The following EBF1 variants were observed in gnomAD, a reference collection of about 807,000 sequenced individuals.
EBF1 encodes the protein transcription factor COE1.
Under a neutral mutation model 68.4 loss-of-function variants are expected in EBF1, and 10 were observed. The observed-to-expected ratio is 0.15, with a 90% confidence interval of 0.09 to 0.25. The LOEUF (loss-of-function observed/expected upper bound fraction) is 0.25, where lower values mean the gene tolerates loss of function less well. EBF1 is among the 10% of genes least tolerant of loss of function. The pLI, the probability that EBF1 is intolerant of heterozygous loss-of-function variation, is 1.00. For synonymous variants in EBF1, 298 were observed against 299.8 expected, an observed-to-expected ratio of 0.99 and a Z score of 0.06; for missense variants, 509 against 794.4, an observed-to-expected ratio of 0.64 and a Z score of 4.32.
intron 6 of EBF1, among the ~76,000 whole-genome samples, chr5:159,016,175 G>A (rs1285199622): frequency 6.6e-6 from 1 of 152,206 alleles, no homozygotes; most frequent in Non-Finnish European, 1.5e-5. Context: ...GGTGATGTCT[G>A]TACAAACATT....
chr5:159,090,807 GTAATAATAATAA>G lies in EBF1; in HGVS notation c.411+4801_411+4812del, dbSNP rs138049191. Among the ~76,000 whole-genome samples the G allele has an allele frequency of 6.7e-5, 10 of 149,278 alleles. No individual in the cohort carries two copies. In the East Asian group the frequency reaches 1.6e-3, roughly 23 times the overall value. ...CAATTGGCTTTGTCAACCCAATGGG[GTAATAATAATAA>G]TAATAATAATAATAAAAGCATCTAA... On this transcript the variant is annotated intron_variant, in intron 4 of 15. Transcript: ENST00000313708.
chr5:158,740,253 G>T (rs1022628587), intron 10 of EBF1, among the ~76,000 whole-genome samples: 2 of 152,140 alleles, frequency 1.3e-5, no homozygotes, highest in African/African-American at 4.8e-5. Flanking sequence ...ACCGAGTCAG[G>T]CTCCAAGGCG....
At chr5:158,939,153 C>A (rs1812711870) in intron 6 of EBF1, among the ~76,000 whole-genome samples, 1 of 152,238 alleles carries the variant, frequency 6.6e-6, no homozygotes, top group Admixed American at 6.5e-5. Context: ...TGGTGCTACT[C>A]ATTGGCCTCA....
intron 5 of EBF1, among the ~76,000 whole-genome samples, chr5:159,082,108 A>G (rs1779834934): frequency 6.6e-6 from 1 of 152,198 alleles, no homozygotes; most frequent in Non-Finnish European, 1.5e-5. Context: ...CACCTGAGAC[A>G]CAATTCTCTG....
chr5:158,834,858 G>C (rs1328568595), intron 7 of EBF1, among the ~76,000 whole-genome samples: 1 of 152,236 alleles, frequency 6.6e-6, no homozygotes, highest in Non-Finnish European at 1.5e-5. Flanking sequence ...GTGAGATGGA[G>C]GAAAGCAGCG....
chr5:158,752,359 C>T (rs1337829539), intron 10 of EBF1, among the ~76,000 whole-genome samples: 2 of 145,940 alleles, frequency 1.4e-5, no homozygotes, highest in Non-Finnish European at 3.0e-5. Context: ...CAGCTTAGGA[C>T]TTGAATATCT....
At chr5:159,059,970 C>G (rs1471160471) in intron 6 of EBF1, among the ~76,000 whole-genome samples, 1 of 152,250 alleles carries the variant, frequency 6.6e-6, no homozygotes, top group East Asian at 1.9e-4. Context: ...ACCTTTGAAA[C>G]AGGAAGTAAA....
chr5:158,982,929 A>G (rs549728911), intron 6 of EBF1: 12 of 152,236 alleles, frequency 7.9e-5, no homozygotes, highest in African/African-American at 1.9e-4. Context: ...CTGCTCCCCT[A>G]TGAGGAACTG....
chr5:158,696,598 G>C lies in EBF1; in HGVS notation c.*2513C>G. On this transcript the variant is annotated 3_prime_UTR_variant, in exon 16 of 16. Coordinates refer to ENST00000313708, the MANE Select transcript of EBF1 (RefSeq NM_024007.5). ...TTCAGATAACCTTTCTGAGTACCGA[G>C]AAGCAATGCGTCCACCTTGCTTACA... 4.5e-6 allele frequency: 1 copy of C among 221,174 alleles called. No individual in the cohort carries two copies. Among genetic ancestry groups the C allele is most frequent in the Non-Finnish European group, 9.1e-6 (1 of 110,360 alleles). The allele number at this position is 221,174 out of a possible 1,614,324, so 13.7% of individuals were successfully genotyped here.
At position 158,713,009 on chromosome 5, in the gene EBF1, C is replaced by T; in HGVS notation, c.1330G>A (p.Ala444Thr). Residue 444 changes from alanine to threonine, a missense_variant, in exon 13 of 16, where the codon GCC (alanine) becomes ACC (threonine). Physicochemically the swap from Ala to Thr is moderately conservative, Grantham distance 58. Coordinates refer to ENST00000313708, the MANE Select transcript of EBF1 (RefSeq NM_024007.5). ...MGVNSFSGQLAVNVSEASQAT... is the reference protein window; with the variant it reads ...MGVNSFSGQLTVNVSEASQAT... The stretch of plus-strand genomic sequence containing the variant: ...TGTGATGCCTCGGAGACATTCACGG[C>T]CAGTTGTCCACTGAACGAATTCACG... 1.3e-6 allele frequency: 2 copies of T among 1,535,240 alleles called. No individual in the cohort carries two copies. Among genetic ancestry groups the T allele is most frequent in the South Asian group, 1.3e-5 (1 of 79,436 alleles).
At chr5:158,974,343 G>A (rs1054923536) in intron 6 of EBF1, among the ~76,000 whole-genome samples, 2 of 152,196 alleles carry the variant, frequency 1.3e-5, no homozygotes, top group African/African-American at 4.8e-5. Flanking sequence ...GGTAGCCAGT[G>A]TTTCTGAGCT....
chr5:158,799,185 T>C (rs1273640045), intron 8 of EBF1, among the ~76,000 whole-genome samples: 3 of 152,114 alleles, frequency 2.0e-5, no homozygotes, highest in Non-Finnish European at 4.4e-5. Context: ...CCCAGCACTT[T>C]GGGAAGCCAA....
intron 6 of EBF1, among the ~76,000 whole-genome samples, chr5:158,976,404 C>G (rs936676097): frequency 5.9e-5 from 9 of 151,804 alleles, no homozygotes; most frequent in African/African-American, 2.2e-4. Context: ...CAATAAATCA[C>G]TAGGAATGTA....
intron 6 of EBF1, among the ~76,000 whole-genome samples, chr5:158,915,769 TA>T (rs1466087417): frequency 3.3e-5 from 5 of 152,156 alleles, no homozygotes; most frequent in Non-Finnish European, 7.3e-5. Flanking sequence ...GAAGACATAG[TA>T]AGTAAAAACA....
intron 6 of EBF1, among the ~76,000 whole-genome samples, chr5:158,845,619 A>C (rs1397919846): frequency 2.6e-5 from 4 of 151,570 alleles, no homozygotes; most frequent in Non-Finnish European, 5.9e-5. Flanking sequence ...AGTATTCTTC[A>C]CTCTTTAAAT....
At chr5:158,826,031 T>C (rs1031162863) in intron 7 of EBF1, among the ~76,000 whole-genome samples, 2 of 151,850 alleles carry the variant, frequency 1.3e-5, no homozygotes, top group Non-Finnish European at 2.9e-5. Context: ...ACATAATTAA[T>C]AAGGTGCTGA....
intron 7 of EBF1, 76 bp downstream of exon 7, chr5:158,839,953 T>C: frequency 6.9e-7 from 1 of 1,448,368 alleles, no homozygotes; most frequent in Admixed American, 1.7e-5. Context: ...GCTACGTATC[T>C]TCTGCCTAAG....
chr5:158,856,576 G>C (rs1794051975), intron 6 of EBF1, among the ~76,000 whole-genome samples: 1 of 150,068 alleles, frequency 6.7e-6, no homozygotes, highest in African/African-American at 2.4e-5. Context: ...ACTTTACCAA[G>C]TGCTAGGCTT....
At chr5:159,065,382 C>T (rs747570329) in intron 6 of EBF1, among the ~76,000 whole-genome samples, 4 of 152,036 alleles carry the variant, frequency 2.6e-5, no homozygotes, top group African/African-American at 9.7e-5. Flanking sequence ...ACGGCACTGG[C>T]GGGGAGCAGC....
Sources: gnomAD v4.1 joint callset for allele counts (sites outside exome capture counted in the v4.1 genomes callset) on GRCh38, gnomAD v4.1.1 for gene constraint, MANE v1.5 for transcripts, NCBI Gene and HGNC (gene_info 2026-07-23, HGNC 2026-07-21) for gene names.